The following ATXN1 variants were observed in gnomAD, a reference collection of about 807,000 sequenced individuals.
ATXN1 encodes the protein ataxin 1, also known as ataxin-1.
ATXN1 carries 8 observed loss-of-function variants against 56.4 expected under a neutral mutation model. The observed-to-expected ratio is 0.14, with a 90% CI of 0.08 to 0.26. The LOEUF (loss-of-function observed/expected upper bound fraction) is 0.26, where lower values mean the gene tolerates loss of function less well. Ranked by LOEUF, ATXN1 falls within the 10% of genes least tolerant of loss-of-function variation. The pLI is 1.00. For missense variants in ATXN1, 987 were observed against 1,106.5 expected (o/e 0.89, Z 1.53); for synonymous variants, 514 against 494.6 (o/e 1.04, Z -0.52).
chr6:16,451,109 A>G (rs898193300), intron 6 of ATXN1, among the ~76,000 whole-genome samples: 60 of 152,338 alleles, frequency 3.9e-4, no homozygotes, highest in African/African-American at 1.3e-3. Flanking sequence ...AAATGGGGAC[A>G]TCTTCTCTTC....
rs1464960641 is a variant in ATXN1, at chr6:16,506,149, G to C, written c.-299+16478C>G. 1.3e-5 allele frequency among the ~76,000 whole-genome samples: 2 copies of C among 152,126 alleles called. No homozygotes were observed. The highest frequency in any genetic ancestry group is 4.8e-5 in the African/African-American group (2 of 41,432). On this transcript the variant is annotated intron_variant, in intron 5 of 7. Coordinates refer to ENST00000436367, the MANE Select transcript of ATXN1 (RefSeq NM_001128164.2). The surrounding 1 kb of genome is among the most constrained non-coding windows in gnomAD (Gnocchi z 4.1). Reference sequence around the variant, plus strand: ...GAATGGAAGATCATTGGAAGCCCTGGAAAAATAGAAAATATTTCTAGGGTA... The same window carrying C: ...GAATGGAAGATCATTGGAAGCCCTGCAAAAATAGAAAATATTTCTAGGGTA...
chr6:16,433,111 A>C (rs1242423124), intron 6 of ATXN1: 1 of 152,046 alleles, frequency 6.6e-6, no homozygotes, highest in Non-Finnish European at 1.5e-5. Flanking sequence ...AAACAGGGTG[A>C]GAAAAGAAGG....
At chr6:16,509,419 G>A (rs569974196) in intron 5 of ATXN1, among the ~76,000 whole-genome samples, 1 of 152,298 alleles carries the variant, frequency 6.6e-6, no homozygotes, top group South Asian at 2.1e-4. Context: ...GACAAGGAAG[G>A]CCTCTTGGAG....
intron 3 of ATXN1, among the ~76,000 whole-genome samples, chr6:16,616,669 ATT>A (rs1763219365): frequency 7.0e-6 from 1 of 143,092 alleles, no homozygotes; most frequent in Non-Finnish European, 1.5e-5. Context: ...AATTATATAT[ATT>A]ATATATTAAT....
chr6:16,700,275 T>C (rs1759254100), intron 2 of ATXN1, among the ~76,000 whole-genome samples: 1 of 152,146 alleles, frequency 6.6e-6, no homozygotes, highest in East Asian at 1.9e-4. Flanking sequence ...AAGAATAGTA[T>C]TGGCAAGGAC....
chr6:16,535,221 T>C (rs914103051), intron 4 of ATXN1, among the ~76,000 whole-genome samples: 2 of 152,182 alleles, frequency 1.3e-5, no homozygotes, highest in African/African-American at 2.4e-5. Context: ...GTGTTGGGCA[T>C]AAAATTTCTG....
chr6:16,356,002 C>T (rs1383912196), intron 6 of ATXN1, among the ~76,000 whole-genome samples: 1 of 152,242 alleles, frequency 6.6e-6, no homozygotes, highest in African/African-American at 2.4e-5. Context: ...TGGTTGGGCT[C>T]GTTCCTTCCC....
intron 6 of ATXN1, among the ~76,000 whole-genome samples, chr6:16,385,763 A>G (rs546176755): frequency 1.7e-4 from 26 of 152,372 alleles, no homozygotes; most frequent in African/African-American, 6.0e-4. Context: ...TAACATATCA[A>G]TATTTTTCTG....
At chr6:16,555,384 C>G (rs532083869) in intron 4 of ATXN1, among the ~76,000 whole-genome samples, 70 of 152,280 alleles carry the variant, frequency 4.6e-4, no homozygotes, top group Non-Finnish European at 2.6e-4. Flanking sequence ...CAGAAAAGTT[C>G]AGTAGCTTGG....
intron 3 of ATXN1, among the ~76,000 whole-genome samples, chr6:16,629,986 G>C (rs1447763708): frequency 6.6e-6 from 1 of 152,010 alleles, no homozygotes; most frequent in Non-Finnish European, 1.5e-5. Context: ...CTTCTGGAAA[G>C]GGCAATTTTT....
Position 16,456,196 on chromosome 6 carries a change from A to G in ATXN1, c.-161+29776T>C, listed in dbSNP as rs185787901. 2.9e-3 allele frequency among the ~76,000 whole-genome samples: 443 copies of G among 152,266 alleles called. 2 individuals carry two copies. Among genetic ancestry groups the G allele is most frequent in the African/African-American group, 0.01 (418 of 41,544 alleles). ...ACTCACCGTGAAGGTCCGTGCCTCC[A>G]TTCTTGAAGTCAGCGAGACCATGAA... On this transcript the variant is annotated intron_variant, in intron 6 of 7. Coordinates refer to ENST00000436367, the MANE Select transcript of ATXN1 (RefSeq NM_001128164.2).
chr6:16,688,905 G>T (rs925064143), intron 2 of ATXN1, among the ~76,000 whole-genome samples: 2 of 152,130 alleles, frequency 1.3e-5, no homozygotes, highest in African/African-American at 4.8e-5. Flanking sequence ...CTGAAAAAAA[G>T]CATGGAAATA....
intron 3 of ATXN1, among the ~76,000 whole-genome samples, chr6:16,608,055 TTGCTATG>T (rs1763041748): frequency 6.6e-6 from 1 of 152,210 alleles, no homozygotes; most frequent in Non-Finnish European, 1.5e-5. Context: ...CCAGCTGAAA[TTGCTATG>T]TGCTGAATGA....
Position 16,326,773 on chromosome 6 carries a change from G to A in ATXN1, c.1538C>T (p.Pro513Leu). 6.2e-7 allele frequency: 1 copy of A among 1,612,588 alleles called. No individual in the cohort carries two copies. The highest frequency in any genetic ancestry group is 8.5e-7 in the Non-Finnish European group (1 of 1,178,970). ...GAAPAIVTSSPQFAAVPHTFV... is the reference protein window; with the variant it reads ...GAAPAIVTSSLQFAAVPHTFV... ...CGTGTGAGGCACTGCAGCAAACTGGGGGGATGACGTGACTATGGCCGGGGC... is the reference window on the plus strand; with the variant it reads ...CGTGTGAGGCACTGCAGCAAACTGGAGGGATGACGTGACTATGGCCGGGGC... Residue 513 changes from proline (P) to leucine (L), a missense_variant, in exon 7 of 8, where the codon CCC becomes CTC. Transcript: ENST00000436367. This position sits in a 1 kb window ranked among gnomAD's most constrained non-coding sequence, Gnocchi z 6.6.
intron 6 of ATXN1, among the ~76,000 whole-genome samples, chr6:16,372,379 C>T (rs1276679161): frequency 1.3e-5 from 2 of 152,152 alleles, no homozygotes; most frequent in Admixed American, 6.5e-5. Context: ...AAAAGAAGTA[C>T]ACAGGTAGAA....
At position 16,559,492 on chromosome 6, in the gene ATXN1, T is replaced by G. The variant is rs542547224; in HGVS notation, c.-361+26288A>C. Among the ~76,000 whole-genome samples the G allele has an allele frequency of 1.5e-4, 23 of 152,344 alleles. No individual in the cohort carries two copies. In the South Asian group the frequency reaches 4.8e-3, roughly 32 times the overall value. On this transcript the variant is annotated intron_variant, in intron 4 of 7. Coordinates refer to ENST00000436367, the MANE Select transcript of ATXN1 (RefSeq NM_001128164.2). ...GTTCTATGTTCCGATAAGAAAGGTT[T>G]TCCAGGACACACTGTTAGGTGAAAA... is the stretch of plus-strand genomic sequence containing the variant.
chr6:16,487,336 A>C (rs2237191), intron 5 of ATXN1, among the ~76,000 whole-genome samples: 5,486 of 152,316 alleles, frequency 0.036, 183 homozygotes, highest in East Asian at 0.11. Context: ...TGAGGAAAAA[A>C]AACAAAAAAG....
intron 2 of ATXN1, among the ~76,000 whole-genome samples, chr6:16,694,312 T>C (rs1285551187): frequency 6.7e-6 from 1 of 148,320 alleles, no homozygotes; most frequent in Non-Finnish European, 1.5e-5. Flanking sequence ...AGTGCAGTGG[T>C]GTGATCTTGG....
chr6:16,560,880 T>C (rs1384441362), intron 4 of ATXN1, among the ~76,000 whole-genome samples: 1 of 152,180 alleles, frequency 6.6e-6, no homozygotes, highest in African/African-American at 2.4e-5. Context: ...AATTCACAGG[T>C]AATCCCAACT....
Sources: gnomAD v4.1 joint callset for allele counts (sites outside exome capture counted in the v4.1 genomes callset) on GRCh38, gnomAD v4.1.1 for gene constraint, Gnocchi (gnomAD v3.1) non-coding constraint, MANE v1.5 for transcripts, NCBI Gene and HGNC (gene_info 2026-07-23, HGNC 2026-07-21) for gene names.